Variants in ELMO1 observed in about 807,000 individuals in gnomAD.
ELMO1 encodes the protein engulfment and cell motility protein 1.
In ELMO1, 26 loss-of-function variants were observed where a neutral mutation model predicts 98.9. The ratio of observed to expected loss-of-function variants is 0.26; its 90% CI spans 0.19 to 0.36. The LOEUF (loss-of-function observed/expected upper bound fraction) is 0.36. ELMO1 is among the 10% of genes least tolerant of loss of function. The pLI is 1.00. For synonymous variants in ELMO1, 346 were observed against 346.0 expected, an observed-to-expected ratio of 1.00 and a Z score of 0.00; for missense variants, 627 against 935.2, an observed-to-expected ratio of 0.67 and a Z score of 4.30.
At chr7:36,897,111 C>A (rs528426498) in intron 16 of ELMO1, among the ~76,000 whole-genome samples, 68 of 152,304 alleles carry the variant, frequency 4.5e-4, no homozygotes, top group South Asian at 1.0e-3. Context: ...GGTGTTTACA[C>A]CACATCTGCC....
chr7:36,948,284 G>A (rs17170804), intron 16 of ELMO1, among the ~76,000 whole-genome samples: 28,047 of 152,042 alleles, frequency 0.18, 3,060 homozygotes, highest in African/African-American at 0.3. Flanking sequence ...GGTGAAGGAC[G>A]CTAAGGCAAT....
intron 7 of ELMO1, among the ~76,000 whole-genome samples, chr7:37,235,872 A>G (rs1440813782): frequency 6.6e-6 from 1 of 152,230 alleles, no homozygotes; most frequent in Admixed American, 6.5e-5. Context: ...GTGAGCCAAG[A>G]TCGTGCCATT....
intron 15 of ELMO1, among the ~76,000 whole-genome samples, chr7:37,042,390 C>T (rs1449799512): frequency 6.6e-6 from 1 of 151,980 alleles, no homozygotes; most frequent in Non-Finnish European, 1.5e-5. Context: ...CATATTAACC[C>T]TACTGCTGCT....
Position 37,003,146 on chromosome 7 carries a change from C to A in ELMO1, c.1437+10153G>T, listed in dbSNP as rs549863534. Among the ~76,000 whole-genome samples, 20 of 152,270 alleles carry A rather than the reference C, an allele frequency of 1.3e-4. No homozygotes were observed. The South Asian group carries it at 3.7e-3, about 28-fold the overall frequency. On this transcript the variant is annotated intron_variant, in intron 16 of 21. Coordinates refer to ENST00000310758, the MANE Select transcript of ELMO1 (RefSeq NM_014800.11). ...AAAATAAAGGGAAGAAGGAGGCGGG[C>A]AGAAGAAGAAATTCGGTTTGGAATT...
At position 37,432,705 on chromosome 7, in the gene ELMO1, A is replaced by G. The variant is rs933544807; in HGVS notation, c.-74+15970T>C. On this transcript the variant is annotated intron_variant, in intron 1 of 21. Transcript: ENST00000310758. The stretch of plus-strand genomic sequence containing the variant: ...CATGTGGTAAAAATCCCAACCCCCA[A>G]TGTGTATCACAGATGCCTCGTCACC... 7.9e-5 allele frequency among the ~76,000 whole-genome samples: 12 copies of G among 152,240 alleles called. 1 individual carries two copies. Among genetic ancestry groups the G allele is most frequent in the African/African-American group, 2.9e-4 (12 of 41,464 alleles).
chr7:37,440,453 AAAG>A (rs1805362565), intron 1 of ELMO1, among the ~76,000 whole-genome samples: 1 of 150,860 alleles, frequency 6.6e-6, no homozygotes. Context: ...AAAAAAAAAA[AAAG>A]AAAAGAAAAG....
chr7:37,329,567 G>T (rs958571952), intron 2 of ELMO1, among the ~76,000 whole-genome samples: 67 of 152,252 alleles, frequency 4.4e-4, no homozygotes, highest in African/African-American at 1.2e-3. Context: ...TGGGAAAACT[G>T]GCCAGTGTAT....
At chr7:37,379,037 ATTC>A (rs1481699756) in intron 1 of ELMO1, among the ~76,000 whole-genome samples, 17 of 146,200 alleles carry the variant, frequency 1.2e-4, no homozygotes, top group South Asian at 2.2e-4. Context: ...CTTGCATCAC[ATTC>A]TTCTTCTTTT....
intron 1 of ELMO1, among the ~76,000 whole-genome samples, chr7:37,439,016 C>T (rs575263853): frequency 4.6e-5 from 7 of 152,224 alleles, no homozygotes; most frequent in East Asian, 1.9e-4. Context: ...CGCTGGAAGG[C>T]GGGGGCTGGA....
intron 13 of ELMO1, among the ~76,000 whole-genome samples, chr7:37,141,860 C>T (rs1021896390): frequency 2.0e-5 from 3 of 152,174 alleles, no homozygotes; most frequent in Non-Finnish European, 2.9e-5. Flanking sequence ...TCTAAACTGT[C>T]TTACCCATGC....
intron 4 of ELMO1, among the ~76,000 whole-genome samples, chr7:37,283,155 A>C (rs577578826): frequency 6.6e-6 from 1 of 152,246 alleles, no homozygotes; most frequent in South Asian, 2.1e-4. Flanking sequence ...GGCAAGCCTG[A>C]GGGAAAGGAC....
At position 37,281,425 on chromosome 7, in the gene ELMO1, C is replaced by A. The variant is rs147653842; in HGVS notation, c.193-9543G>T. ...AGAAAAAAACAATGAGGCAATACCC[C>A]CCACAAACAGGGAAAGGGATTCCAT... On this transcript the variant is annotated intron_variant, in intron 4 of 21. Transcript: ENST00000310758. Among the ~76,000 whole-genome samples, 1,151 of 152,228 alleles carry A rather than the reference C, an allele frequency of 7.6e-3. 22 individuals are homozygous for A. The highest frequency in any genetic ancestry group is 0.027 in the African/African-American group (1,114 of 41,526).
intron 2 of ELMO1, among the ~76,000 whole-genome samples, chr7:37,327,666 T>C (rs891646741): frequency 6.6e-6 from 1 of 152,360 alleles, no homozygotes; most frequent in African/African-American, 2.4e-5. Flanking sequence ...TGCGTGCTTT[T>C]GAGTGGATGT....
chr7:37,279,418 AG>A (rs1438555304), intron 4 of ELMO1, among the ~76,000 whole-genome samples: 1 of 152,172 alleles, frequency 6.6e-6, no homozygotes, highest in Non-Finnish European at 1.5e-5. Flanking sequence ...ATAGACTGCA[AG>A]GACAAACCAG....
intron 14 of ELMO1, among the ~76,000 whole-genome samples, chr7:37,124,597 CGAG>C (rs1243765838): frequency 1.3e-5 from 2 of 152,132 alleles, no homozygotes; most frequent in Admixed American, 6.5e-5. Flanking sequence ...AGGACCTCTT[CGAG>C]GAGAACAACA....
intron 4 of ELMO1, among the ~76,000 whole-genome samples, chr7:37,314,536 G>A (rs118183392): frequency 0.015 from 2,249 of 152,022 alleles, 49 homozygotes; most frequent in East Asian, 0.087. Flanking sequence ...CAAAATCTGA[G>A]AAAGGAAAAC....
At chr7:37,437,289 C>T (rs1805190634) in intron 1 of ELMO1, among the ~76,000 whole-genome samples, 1 of 152,098 alleles carries the variant, frequency 6.6e-6, no homozygotes, top group South Asian at 2.1e-4. Flanking sequence ...CATTCTCTCC[C>T]CTCAAAGTAA....
At chr7:37,239,050 C>A (rs1794621155) in intron 7 of ELMO1, among the ~76,000 whole-genome samples, 1 of 152,002 alleles carries the variant, frequency 6.6e-6, no homozygotes, top group East Asian at 1.9e-4. Flanking sequence ...AGAACTGGTC[C>A]CTCTCCTCTA....
chr7:36,885,596 T>C (rs1804908368), intron 18 of ELMO1, among the ~76,000 whole-genome samples: 1 of 152,158 alleles, frequency 6.6e-6, no homozygotes, highest in African/African-American at 2.4e-5. Flanking sequence ...ATCTTATAAA[T>C]CATCTTTATG....
Sources: gnomAD v4.1 joint callset for allele counts (sites outside exome capture counted in the v4.1 genomes callset) on GRCh38, gnomAD v4.1.1 for gene constraint, MANE v1.5 for transcripts, NCBI Gene and HGNC (gene_info 2026-07-23, HGNC 2026-07-21) for gene names.